EYA4: variants seen among roughly 807,000 people sequenced by gnomAD.
EYA4 encodes the protein protein phosphatase EYA4.
Under a neutral mutation model 87.9 loss-of-function variants are expected in EYA4, and 31 were observed. The ratio of observed to expected loss-of-function variants is 0.35; its 90% CI spans 0.27 to 0.48. The LOEUF is 0.48. Ranked by LOEUF, EYA4 falls within the 20% of genes least tolerant of loss-of-function variation. EYA4 has a pLI of 0.99. For synonymous variants in EYA4, 263 were observed against 270.6 expected, an observed-to-expected ratio of 0.97 and a Z score of 0.28; for missense variants, 678 against 761.4, an observed-to-expected ratio of 0.89 and a Z score of 1.29.
chr6:133,457,188 C>T (rs1345169012), intron 6 of EYA4, among the ~76,000 whole-genome samples: 11 of 152,226 alleles, frequency 7.2e-5, no homozygotes, highest in South Asian at 2.1e-4. Context: ...TGAGAGCGCT[C>T]GAATGCTTCA....
intron 3 of EYA4, among the ~76,000 whole-genome samples, chr6:133,444,644 TTGACCTGTCAGTAGA>T (rs1173414637): frequency 6.6e-6 from 1 of 152,144 alleles, no homozygotes. Flanking sequence ...TACCCCTCCA[TTGACCTGTCAGTAGA>T]TGAGGGCTGC....
chr6:133,351,058 G>T (rs1007595614), intron 2 of EYA4, among the ~76,000 whole-genome samples: 1 of 150,522 alleles, frequency 6.6e-6, no homozygotes, highest in Non-Finnish European at 1.5e-5. Flanking sequence ...TGACTGTCTG[G>T]GTTTTATTGT....
At chr6:133,477,455 T>C (rs1795842154) in intron 11 of EYA4, among the ~76,000 whole-genome samples, 2 of 152,258 alleles carry the variant, frequency 1.3e-5, no homozygotes, top group African/African-American at 4.8e-5. Context: ...CATTTTTTAT[T>C]TGAGTTATTT....
intron 13 of EYA4, among the ~76,000 whole-genome samples, chr6:133,495,830 C>T (rs938236922): frequency 1.3e-5 from 2 of 152,156 alleles, no homozygotes. Context: ...GCATTTGGAA[C>T]AAATTTCCAG....
chr6:133,460,362 A>G (rs1794273124), intron 6 of EYA4, among the ~76,000 whole-genome samples: 2 of 149,330 alleles, frequency 1.3e-5, no homozygotes, highest in South Asian at 4.1e-4. Flanking sequence ...AGTTAAAGGA[A>G]AGAGAAACTT....
intron 2 of EYA4, among the ~76,000 whole-genome samples, chr6:133,347,858 G>T (rs1017420457): frequency 6.6e-6 from 1 of 152,142 alleles, no homozygotes; most frequent in Non-Finnish European, 1.5e-5. Context: ...TCTCAGCTTG[G>T]AGGCAAATCT....
intron 4 of EYA4, among the ~76,000 whole-genome samples, chr6:133,447,671 AG>A (rs1792987102): frequency 6.6e-6 from 1 of 152,132 alleles, no homozygotes. Flanking sequence ...TTTCTCTGTA[AG>A]GTTGTGTGCA....
intron 3 of EYA4, among the ~76,000 whole-genome samples, chr6:133,428,134 C>A (rs1267904193): frequency 6.6e-6 from 1 of 151,934 alleles, no homozygotes; most frequent in African/African-American, 2.4e-5. Context: ...TGGTTGTGGA[C>A]ATATGAAGTT....
At chr6:133,284,709 A>G (rs939306560) in intron 2 of EYA4, among the ~76,000 whole-genome samples, 2 of 152,344 alleles carry the variant, frequency 1.3e-5, no homozygotes, top group South Asian at 2.1e-4. Flanking sequence ...TTTTAAAACG[A>G]GACTTGGATA....
intron 3 of EYA4, among the ~76,000 whole-genome samples, chr6:133,410,735 C>T (rs1789150228): frequency 6.6e-6 from 1 of 151,772 alleles, no homozygotes; most frequent in South Asian, 2.1e-4. Flanking sequence ...TTCTCTCCTC[C>T]TGGGGGCTTC....
intron 7 of EYA4, 51 bp downstream of exon 7, chr6:133,461,231 A>G (rs763255383): frequency 5.6e-6 from 7 of 1,251,068 alleles, no homozygotes; most frequent in Non-Finnish European, 8.2e-6. Flanking sequence ...TTATGTCTAT[A>G]CATGTTTTAT....
intron 2 of EYA4, among the ~76,000 whole-genome samples, chr6:133,297,950 G>A (rs1011603448): frequency 1.1e-4 from 17 of 152,020 alleles, no homozygotes; most frequent in Non-Finnish European, 1.6e-4. Flanking sequence ...AATGATTGTT[G>A]CCTGAATTAC....
chr6:133,489,621 TA>T (rs371311788), intron 13 of EYA4, among the ~76,000 whole-genome samples: 127 of 145,426 alleles, frequency 8.7e-4, no homozygotes, highest in Middle Eastern at 3.5e-3. Flanking sequence ...GCTGAAGGAT[TA>T]AAAAAAAAAA....
chr6:133,301,143 G>A (rs569359264), intron 2 of EYA4, among the ~76,000 whole-genome samples: 1 of 94,142 alleles, frequency 1.1e-5, no homozygotes, highest in Non-Finnish European at 3.1e-5. Flanking sequence ...TTCTGTATGA[G>A]GGTTTTTTGG....
At chr6:133,398,088 A>G (rs1361543589) in intron 3 of EYA4, among the ~76,000 whole-genome samples, 1 of 152,208 alleles carries the variant, frequency 6.6e-6, no homozygotes, top group Non-Finnish European at 1.5e-5. Context: ...GTTTTGTGCT[A>G]AATGTAAGAG....
In EYA4 at chr6:133,529,136, C is replaced by A; in HGVS notation, c.*331C>A. 1 of 1,188,380 alleles carries A rather than the reference C, an allele frequency of 8.4e-7. No homozygotes were observed. Among genetic ancestry groups the A allele is most frequent in the Non-Finnish European group, 1.1e-6 (1 of 944,686 alleles). The allele number at this position is 1,188,380 out of a possible 1,614,324, so 73.6% of individuals were successfully genotyped here. ...CTGGCAAAGCAGCAACACACATGCT[C>A]CGTCTGACAAGGTGGTCAACAACAT... On this transcript the variant is annotated 3_prime_UTR_variant, in exon 20 of 20. Coordinates refer to ENST00000355286, the MANE Select transcript of EYA4 (RefSeq NM_004100.5).
chr6:133,342,605 A>ATATATATATATATATATAT (rs1485897156), intron 2 of EYA4, among the ~76,000 whole-genome samples: 1 of 130,438 alleles, frequency 7.7e-6, no homozygotes, highest in African/African-American at 3.3e-5. Context: ...ATATATATAT[A>ATATATATATATATATATAT]ATTCTTTATA....
At chr6:133,285,128 C>G (rs905279633) in intron 2 of EYA4, among the ~76,000 whole-genome samples, 2 of 150,490 alleles carry the variant, frequency 1.3e-5, no homozygotes, top group Non-Finnish European at 2.9e-5. Flanking sequence ...TCCCGAGTAG[C>G]TGGGACTACA....
intron 1 of EYA4, among the ~76,000 whole-genome samples, chr6:133,250,134 A>G (rs519332): frequency 0.8 from 121,223 of 152,094 alleles, 48,820 homozygotes; most frequent in African/African-American, 0.9. Flanking sequence ...AACCTCAGGG[A>G]GTTTTGGTAT....
Sources: allele counts gnomAD v4.1 joint callset (sites outside exome capture counted in the v4.1 genomes callset), GRCh38; gene constraint gnomAD v4.1.1; transcripts MANE v1.5; gene names NCBI Gene and HGNC (gene_info 2026-07-23, HGNC 2026-07-21).